The following COG2 variants were observed in gnomAD, a reference collection of about 807,000 sequenced individuals.
COG2 encodes conserved oligomeric Golgi complex subunit 2.
Under a neutral mutation model 90.6 loss-of-function variants are expected in COG2, and 52 were observed. The ratio of observed to expected loss-of-function variants is 0.57; its 90% confidence interval spans 0.46 to 0.72. COG2 has a LOEUF of 0.72. Ranked by LOEUF, COG2 falls within the 30% of genes least tolerant of loss-of-function variation. COG2 has a pLI of 0.00. For missense variants in COG2, 829 were observed against 891.2 expected, an observed-to-expected ratio of 0.93 and a Z score of 0.89; for synonymous variants, 337 against 320.4, an observed-to-expected ratio of 1.05 and a Z score of -0.55.
At chr1:230,661,579 C>A (rs2296795) in intron 3 of COG2, 6,177 of 152,188 alleles carry the variant, frequency 0.041, 239 homozygotes, top group East Asian at 0.15. Flanking sequence ...TTAGATCATG[C>A]GCAGCTTGAG....
At chr1:230,668,829 G>A in intron 6 of COG2, 45 bp downstream of exon 6, 1 of 1,182,746 alleles carries the variant, frequency 8.5e-7, no homozygotes, top group Non-Finnish European at 1.2e-6. Flanking sequence ...TTAGGGACTT[G>A]CTAAATAATT....
At chr1:230,646,763 T>A (rs536534535) in intron 1 of COG2, among the ~76,000 whole-genome samples, 43 of 152,166 alleles carry the variant, frequency 2.8e-4, no homozygotes, top group Non-Finnish European at 4.9e-4. Flanking sequence ...CAGGTAATAC[T>A]AGACCTGAGG....
At chr1:230,662,050 T>C (rs910200638) in intron 3 of COG2, among the ~76,000 whole-genome samples, 3 of 151,928 alleles carry the variant, frequency 2.0e-5, no homozygotes, top group Non-Finnish European at 4.4e-5. Context: ...CCTCTCCTCT[T>C]CTCTCCTCTC....
intron 10 of COG2, chr1:230,680,388 C>G (rs1444134797): frequency 6.6e-6 from 1 of 152,670 alleles, no homozygotes; most frequent in Non-Finnish European, 1.5e-5. Flanking sequence ...ACCCTGGGAC[C>G]CATGCAGCAT....
chr1:230,655,538 G>A (rs1175188507), intron 1 of COG2, among the ~76,000 whole-genome samples: 1 of 152,194 alleles, frequency 6.6e-6, no homozygotes, highest in Non-Finnish European at 1.5e-5. Context: ...ATGTTCATCA[G>A]AAATATTGGC....
intron 12 of COG2, 25 bp from the exon 13 acceptor site, chr1:230,686,910 G>A: frequency 6.9e-7 from 1 of 1,451,252 alleles, no homozygotes; most frequent in Non-Finnish European, 9.3e-7. Context: ...TGTGAAAGTA[G>A]TTAATCAGTG....
At position 230,675,220 on chromosome 1, in the gene COG2, A is replaced by C. The variant is rs1313298808; in HGVS notation, c.1026+96A>C. On this transcript the variant is annotated intron_variant, in intron 9 of 17. Transcript: ENST00000366669. ...CTACTTAGTCTTGGTTCTGTGGTTT[A>C]TTAAAAATAAAAATTTGAGTTGCTA... is the stretch of plus-strand genomic sequence containing the variant. The C allele has an allele frequency of 5.0e-6, 7 of 1,393,262 alleles. No homozygotes were observed. In the African/African-American group the frequency reaches 8.8e-5, roughly 17 times the overall value. The allele number at this position is 1,393,262 out of a possible 1,614,324, so 86.3% of individuals were successfully genotyped here.
At chr1:230,646,729 G>C (rs934849196) in intron 1 of COG2, among the ~76,000 whole-genome samples, 2 of 151,838 alleles carry the variant, frequency 1.3e-5, no homozygotes, top group Non-Finnish European at 2.9e-5. Flanking sequence ...CTCAAACTTG[G>C]CTCTCTTCTG....
In COG2 at chr1:230,685,110, T is replaced by G; in HGVS notation, c.1254T>G (p.Ala418=). The change falls in exon 12 of 18, where the codon GCT becomes GCG. Residue 418 remains alanine, a synonymous_variant. Coordinates refer to ENST00000366669, the MANE Select transcript of COG2 (RefSeq NM_007357.3). ...CTGAAAGTCCGTATTGCCTTTTGGC[T>G]TCTCATAGAACTTGGAGCAGCCTTA... ...APAESPYCLL[A]SHRTWSSLRR... is the part of the protein sequence containing the mutation. 6.2e-7 allele frequency: 1 copy of G among 1,614,188 alleles called. No individual in the cohort carries two copies. The highest frequency in any genetic ancestry group is 8.5e-7 in the Non-Finnish European group (1 of 1,180,016).
chr1:230,687,239 G>A, intron 13 of COG2, 107 bp downstream of exon 13: 2 of 849,658 alleles, frequency 2.4e-6, no homozygotes, highest in Admixed American at 3.0e-5. Flanking sequence ...CTTAAATTGG[G>A]GGACCCGTGG....
chr1:230,642,494 C>A lies in COG2; in HGVS notation c.-113C>A. 1 of 962,110 alleles carries A rather than the reference C, an allele frequency of 1.0e-6. No individual in the cohort carries two copies. Among genetic ancestry groups the A allele is most frequent in the South Asian group, 1.7e-5 (1 of 57,678 alleles). 59.6% of individuals were successfully genotyped at this position (962,110 alleles called of 1,614,324 possible). ...GCGGGCGCTGCCATGTTGGCGGAAG[C>A]GGACCCCCCTGTGCCGTGGAAACTG... On this transcript the variant is annotated 5_prime_UTR_variant, in exon 1 of 18. Coordinates refer to ENST00000366669, the MANE Select transcript of COG2 (RefSeq NM_007357.3).
chr1:230,693,333 C>T lies in COG2; in HGVS notation c.2157C>T (p.Phe719=), dbSNP rs2102778829. The part of the protein sequence containing the change: ...LGLQASDIKS[F]SALAELVAAA... ...TACAAGCAAGTGACATAAAAAGCTT[C>T]TCAGCTCTCGCAGAGCTTGTTGCTG... Residue 719 remains phenylalanine (F), a synonymous_variant, in exon 18 of 18, where the codon TTC becomes TTT. Transcript: ENST00000366669. 6.2e-7 allele frequency: 1 copy of T among 1,613,814 alleles called. No individual in the cohort carries two copies. The highest frequency in any genetic ancestry group is 1.1e-5 in the South Asian group (1 of 91,000).
At chr1:230,691,009 G>C (rs1002228547) in intron 16 of COG2, among the ~76,000 whole-genome samples, 14 of 152,172 alleles carry the variant, frequency 9.2e-5, no homozygotes, top group African/African-American at 3.4e-4. Flanking sequence ...TACTTGATCT[G>C]GGGCATGAAC....
intron 8 of COG2, among the ~76,000 whole-genome samples, chr1:230,673,168 T>G (rs1204426247): frequency 2.6e-5 from 4 of 152,204 alleles, no homozygotes; most frequent in African/African-American, 9.6e-5. Context: ...ACAGGGCCAG[T>G]CTGGGTCCAG....
At chr1:230,691,615 G>A (rs1441868393) in intron 17 of COG2, 51 bp downstream of exon 17, 1 of 1,545,700 alleles carries the variant, frequency 6.5e-7, no homozygotes, top group African/African-American at 1.4e-5. Flanking sequence ...CAAATTCTGA[G>A]AGCCGGGCAG....
intron 12 of COG2, 146 bp from the exon 13 acceptor site, chr1:230,686,789 G>C: frequency 2.2e-6 from 1 of 453,644 alleles, no homozygotes; most frequent in Non-Finnish European, 3.9e-6. Flanking sequence ...ATACAATATT[G>C]TATACTTTTA....
intron 5 of COG2, 51 bp downstream of exon 5, chr1:230,664,638 T>G: frequency 1.1e-6 from 1 of 914,790 alleles, no homozygotes; most frequent in Non-Finnish European, 1.6e-6. Flanking sequence ...ACATCCAGAG[T>G]AAAAACTTTT....
chr1:230,676,135 A>G (rs1571956726), intron 9 of COG2, among the ~76,000 whole-genome samples: 1 of 152,208 alleles, frequency 6.6e-6, no homozygotes, highest in South Asian at 2.1e-4. Context: ...ATGCAGTGAG[A>G]TAATCTTTGT....
Position 230,659,492 on chromosome 1 carries a change from C to CT in COG2, c.102dup (p.Asp35Ter). ...GATTTCGATGTCGATCATTTTGTGT[C>CT]TGACTGTAGGAAGCGGGTCCAGCTG... On this transcript the variant is annotated frameshift_variant, in exon 2 of 18. Transcript: ENST00000366669. LOFTEE classifies it high-confidence loss of function. 1.2e-6 allele frequency: 2 copies of CT among 1,613,656 alleles called. No individual in the cohort carries two copies. The highest frequency in any genetic ancestry group is 1.7e-6 in the Non-Finnish European group (2 of 1,179,794).
Sources: gnomAD v4.1 joint callset for allele counts (sites outside exome capture counted in the v4.1 genomes callset) on GRCh38, gnomAD v4.1.1 for gene constraint, MANE v1.5 for transcripts, NCBI Gene and HGNC (gene_info 2026-07-23, HGNC 2026-07-21) for gene names.